TANC1: variants seen among roughly 807,000 people sequenced by gnomAD.
TANC1 encodes protein TANC1.
Under a neutral mutation model 149.7 loss-of-function variants are expected in TANC1, and 77 were observed. That is an observed-to-expected ratio of 0.51 (90% CI 0.43 to 0.62). The LOEUF (loss-of-function observed/expected upper bound fraction) is 0.62, where lower values mean the gene tolerates loss of function less well. TANC1 is among the 20% of genes least tolerant of loss of function. The pLI is 0.00. For missense variants in TANC1, 1,985 were observed against 2,321.8 expected (o/e 0.85, Z 2.98); for synonymous variants, 854 against 925.0 (o/e 0.92, Z 1.39).
chr2:159,112,383 G>A lies in TANC1; in HGVS notation c.259+14549G>A, dbSNP rs982541381. On this transcript the variant is annotated intron_variant, in intron 4 of 26. Transcript: ENST00000263635. ...TGATTCTCCTGCTTCACCCTCCCAA[G>A]TAGCTGGGACTATGGGCAGATTCCA... 4.5e-4 allele frequency among the ~76,000 whole-genome samples: 68 copies of A among 152,032 alleles called. 1 individual carries two copies. Among genetic ancestry groups the A allele is most frequent in the Admixed American group, 2.2e-3 (34 of 15,262 alleles).
At chr2:159,044,151 ATT>A (rs2040864097) in intron 2 of TANC1, among the ~76,000 whole-genome samples, 1 of 152,200 alleles carries the variant, frequency 6.6e-6, no homozygotes, top group South Asian at 2.1e-4. Context: ...AGAAATACCT[ATT>A]TTAATGCCAG....
At chr2:159,190,110 C>A (rs2057326822) in intron 16 of TANC1, among the ~76,000 whole-genome samples, 1 of 152,102 alleles carries the variant, frequency 6.6e-6, no homozygotes, top group Non-Finnish European at 1.5e-5. Flanking sequence ...CAAAAGAGTA[C>A]CTGTTAGATA....
chr2:159,176,045 T>C (rs775292515), intron 12 of TANC1, among the ~76,000 whole-genome samples: 7 of 152,216 alleles, frequency 4.6e-5, no homozygotes, highest in Non-Finnish European at 8.8e-5. Flanking sequence ...GTGTTCATTA[T>C]CTTTGTGTAG....
At chr2:158,970,530 C>G (rs2032709947) in intron 1 of TANC1, among the ~76,000 whole-genome samples, 1 of 152,332 alleles carries the variant, frequency 6.6e-6, no homozygotes, top group African/African-American at 2.4e-5. Flanking sequence ...AAGGGACCTT[C>G]CCTAGAGTAT....
At chr2:159,059,154 A>G (rs951751878) in intron 2 of TANC1, among the ~76,000 whole-genome samples, 10 of 152,220 alleles carry the variant, frequency 6.6e-5, no homozygotes, top group Admixed American at 2.6e-4. Flanking sequence ...GACTGGATCT[A>G]TGTGTCTTAG....
intron 2 of TANC1, among the ~76,000 whole-genome samples, chr2:159,006,078 T>G (rs1393759747): frequency 6.6e-6 from 1 of 152,038 alleles, no homozygotes; most frequent in East Asian, 1.9e-4. Context: ...ATGGATTGCT[T>G]GAGTCCAGGA....
intron 14 of TANC1, among the ~76,000 whole-genome samples, chr2:159,180,989 G>A (rs1236046054): frequency 2.6e-5 from 4 of 152,044 alleles, no homozygotes; most frequent in South Asian, 2.1e-4. Flanking sequence ...GTTGGGCCTC[G>A]AAAAATGGTA....
chr2:158,998,176 A>G (rs1413715303), intron 1 of TANC1, among the ~76,000 whole-genome samples: 2 of 151,992 alleles, frequency 1.3e-5, no homozygotes, highest in Non-Finnish European at 2.9e-5. Context: ...AGGTGGGCAC[A>G]TCGAGGTTCC....
chr2:159,071,727 A>G (rs1049456327), intron 3 of TANC1, among the ~76,000 whole-genome samples: 21 of 152,298 alleles, frequency 1.4e-4, no homozygotes, highest in African/African-American at 5.1e-4. Flanking sequence ...GCTTTTGATT[A>G]TTCTGTGCTG....
chr2:159,029,234 C>T (rs1302277234), intron 2 of TANC1, among the ~76,000 whole-genome samples: 2 of 152,046 alleles, frequency 1.3e-5, no homozygotes, highest in East Asian at 3.9e-4. Flanking sequence ...TTTTGTTTAT[C>T]CATTTATCTG....
At chr2:159,078,442 T>C (rs1298631236) in intron 3 of TANC1, among the ~76,000 whole-genome samples, 1 of 152,230 alleles carries the variant, frequency 6.6e-6, no homozygotes, top group Admixed American at 6.5e-5. Flanking sequence ...ATGTAAGTCA[T>C]CCTTTATTTT....
intron 14 of TANC1, 83 bp from the exon 15 acceptor site, chr2:159,185,708 G>A (rs2150600639): frequency 1.1e-6 from 1 of 873,784 alleles, no homozygotes; most frequent in Admixed American, 2.1e-5. Context: ...AGTGACTAAG[G>A]CAATGGGTGG....
At chr2:159,218,706 T>C (rs2059500784) in intron 20 of TANC1, among the ~76,000 whole-genome samples, 1 of 152,208 alleles carries the variant, frequency 6.6e-6, no homozygotes, top group South Asian at 2.1e-4. Context: ...GCTGAGAATC[T>C]CCTCAAGGTG....
intron 2 of TANC1, among the ~76,000 whole-genome samples, chr2:159,045,594 A>G (rs1391506674): frequency 6.6e-6 from 1 of 152,214 alleles, no homozygotes; most frequent in Non-Finnish European, 1.5e-5. Flanking sequence ...CAGATCTTCA[A>G]ATTTTTTTGC....
chr2:158,972,124 A>G (rs1350819358), intron 1 of TANC1, among the ~76,000 whole-genome samples: 1 of 152,218 alleles, frequency 6.6e-6, no homozygotes, highest in Non-Finnish European at 1.5e-5. Context: ...ACATGCTTCA[A>G]ACTAATCATT....
intron 8 of TANC1, among the ~76,000 whole-genome samples, chr2:159,164,020 G>A (rs921886061): frequency 7.2e-5 from 11 of 152,112 alleles, no homozygotes; most frequent in South Asian, 4.2e-4. Flanking sequence ...TGGAGCTCAC[G>A]GCTTAAAATG....
intron 8 of TANC1, 95 bp downstream of exon 8, chr2:159,163,641 C>A: frequency 1.4e-6 from 2 of 1,430,446 alleles, no homozygotes; most frequent in Non-Finnish European, 1.9e-6. Context: ...CAGATACAAG[C>A]CAGCTTCGTG....
In TANC1 at chr2:159,225,761, A is replaced by G; in HGVS notation, c.3885A>G (p.Glu1295=). 6.2e-7 allele frequency: 1 copy of G among 1,613,724 alleles called. No individual in the cohort carries two copies. Among genetic ancestry groups the G allele is most frequent in the Non-Finnish European group, 8.5e-7 (1 of 1,179,578 alleles). The part of the protein sequence containing the change: ...LIILLQKLME[E]GNVMYKKGKM... ...TACTTTTACAGAAATTAATGGAGGAAGGAAATGTGATGTACAAAGTAAGTG... is the reference window on the plus strand; with the variant it reads ...TACTTTTACAGAAATTAATGGAGGAGGGAAATGTGATGTACAAAGTAAGTG... The change falls in exon 24 of 27, where the codon GAA becomes GAG. Residue 1295 remains glutamate (E), a synonymous_variant. Coordinates refer to ENST00000263635, the MANE Select transcript of TANC1 (RefSeq NM_033394.3).
intron 18 of TANC1, 58 bp from the exon 19 acceptor site, chr2:159,198,917 C>T: frequency 8.4e-7 from 1 of 1,194,966 alleles, no homozygotes; most frequent in Non-Finnish European, 1.3e-6. Flanking sequence ...GATACATGGG[C>T]TATAATAAGC....
Sources: gnomAD v4.1 joint callset for allele counts (sites outside exome capture counted in the v4.1 genomes callset) on GRCh38, gnomAD v4.1.1 for gene constraint, MANE v1.5 for transcripts, NCBI Gene and HGNC (gene_info 2026-07-23, HGNC 2026-07-21) for gene names.